NRXN1: variants seen among roughly 807,000 people sequenced by gnomAD.
NRXN1 encodes neurexin-1.
NRXN1 carries 39 observed loss-of-function variants against 150.9 expected under a neutral mutation model. The observed-to-expected ratio is 0.26, with a 90% confidence interval of 0.20 to 0.34. The LOEUF is 0.34. Ranked by LOEUF, NRXN1 falls within the 10% of genes least tolerant of loss-of-function variation. The pLI is 1.00. For missense variants in NRXN1, 1,815 were observed against 1,949.9 expected, an observed-to-expected ratio of 0.93 and a Z score of 1.30; for synonymous variants, 924 against 757.0, an observed-to-expected ratio of 1.22 and a Z score of -3.62.
intron 17 of NRXN1, among the ~76,000 whole-genome samples, chr2:50,259,213 T>C (rs2068010982): frequency 6.6e-6 from 1 of 151,936 alleles, no homozygotes; most frequent in African/African-American, 2.4e-5. Flanking sequence ...AAAAACTATA[T>C]AAAGCTGTTT....
At chr2:50,768,020 T>C (rs920375837) in intron 5 of NRXN1, among the ~76,000 whole-genome samples, 4 of 152,098 alleles carry the variant, frequency 2.6e-5, no homozygotes, top group African/African-American at 7.2e-5. Flanking sequence ...CATTTGTTGA[T>C]ATAAAGACAA....
intron 5 of NRXN1, among the ~76,000 whole-genome samples, chr2:50,862,988 T>C (rs78318297): frequency 7.2e-5 from 11 of 152,126 alleles, no homozygotes; most frequent in South Asian, 4.1e-4. Context: ...CAATGTGATA[T>C]AGTTGAGCAT....
chr2:50,712,432 G>A (rs1162480487), intron 5 of NRXN1, among the ~76,000 whole-genome samples: 8 of 152,110 alleles, frequency 5.3e-5, no homozygotes, highest in Non-Finnish European at 1.2e-4. Context: ...CTGTATCAGT[G>A]TAATAGCAGC....
intron 13 of NRXN1, among the ~76,000 whole-genome samples, chr2:50,504,301 T>G (rs1394540957): frequency 6.6e-6 from 1 of 152,134 alleles, no homozygotes; most frequent in Non-Finnish European, 1.5e-5. Flanking sequence ...TTTACTGAAG[T>G]CAGTGGCTTT....
intron 5 of NRXN1, among the ~76,000 whole-genome samples, chr2:50,813,727 G>A (rs1388884164): frequency 1.3e-5 from 2 of 152,054 alleles, no homozygotes; most frequent in Non-Finnish European, 2.9e-5. Context: ...CAAAGGCATT[G>A]TCCTGAAATT....
Position 50,053,328 on chromosome 2 carries a change from G to C in NRXN1, c.4071C>G (p.Thr1357=). 6.2e-7 allele frequency: 1 copy of C among 1,614,018 alleles called. No homozygotes were observed. Among genetic ancestry groups the C allele is most frequent in the African/African-American group, 1.3e-5 (1 of 75,030 alleles). ...MSTSIMETTT[T]LATSTARRGK... Reference sequence around the variant, plus strand: ...CTCTTCTGGCTGTGCTAGTAGCCAGGGTCGTGGTAGTCTCCATAATTGATG... The same window carrying C: ...CTCTTCTGGCTGTGCTAGTAGCCAGCGTCGTGGTAGTCTCCATAATTGATG... The change falls in exon 21 of 23, where the codon ACC becomes ACG. Residue 1357 remains threonine (T), a synonymous_variant. Coordinates refer to ENST00000401669, the MANE Select transcript of NRXN1 (RefSeq NM_001330078.2).
At chr2:50,630,437 T>C (rs1485264191) in intron 5 of NRXN1, among the ~76,000 whole-genome samples, 1 of 151,716 alleles carries the variant, frequency 6.6e-6, no homozygotes, top group East Asian at 1.9e-4. Flanking sequence ...TACCAGTGCA[T>C]AGAATATAAT....
At chr2:50,487,928 T>C (rs986199490) in intron 15 of NRXN1, among the ~76,000 whole-genome samples, 2 of 152,154 alleles carry the variant, frequency 1.3e-5, no homozygotes, top group Non-Finnish European at 2.9e-5. Flanking sequence ...CCTCTGACTA[T>C]TGCTTGGCTT....
chr2:50,757,116 T>C (rs1459295008), intron 5 of NRXN1, among the ~76,000 whole-genome samples: 1 of 151,908 alleles, frequency 6.6e-6, no homozygotes, highest in African/African-American at 2.4e-5. Context: ...TAAGAGAGTA[T>C]GTGGAGACAA....
At chr2:50,817,558 G>T (rs1221693992) in intron 5 of NRXN1, among the ~76,000 whole-genome samples, 1 of 151,994 alleles carries the variant, frequency 6.6e-6, no homozygotes, top group Non-Finnish European at 1.5e-5. Flanking sequence ...TACAAGAAAA[G>T]AAAACAACAG....
chr2:50,644,653 A>G (rs1425612193), intron 5 of NRXN1, among the ~76,000 whole-genome samples: 1 of 151,582 alleles, frequency 6.6e-6, no homozygotes, highest in Non-Finnish European at 1.5e-5. Flanking sequence ...CCTCCAGGTT[A>G]AAAGAAAATT....
intron 19 of NRXN1, among the ~76,000 whole-genome samples, chr2:50,066,552 T>C (rs1695392233): frequency 6.6e-6 from 1 of 152,124 alleles, no homozygotes; most frequent in African/African-American, 2.4e-5. Context: ...CCTCAAAAGG[T>C]TGACAATTGA....
chr2:50,528,617 G>T lies in NRXN1; in HGVS notation c.2374+8C>A. On this transcript the variant is annotated splice_region_variant and intron_variant, in intron 12 of 22. Coordinates refer to ENST00000401669, the MANE Select transcript of NRXN1 (RefSeq NM_001330078.2). ...ATAACATTTTAAAAATTTTGAATAGGCACTTACTGGAATTACAGTTAATCC... is the reference window on the plus strand; with the variant it reads ...ATAACATTTTAAAAATTTTGAATAGTCACTTACTGGAATTACAGTTAATCC... 1 of 1,491,790 alleles carries T rather than the reference G, an allele frequency of 6.7e-7. No individual in the cohort carries two copies. The highest frequency in any genetic ancestry group is 9.3e-7 in the Non-Finnish European group (1 of 1,080,502). The allele number at this position is 1,491,790 out of a possible 1,614,324, so 92.4% of individuals were successfully genotyped here.
At chr2:50,874,165 A>G (rs1187284884) in intron 5 of NRXN1, among the ~76,000 whole-genome samples, 2 of 151,872 alleles carry the variant, frequency 1.3e-5, no homozygotes, top group African/African-American at 2.4e-5. Context: ...TTTTGCAAAG[A>G]ATGACTCTCT....
intron 9 of NRXN1, among the ~76,000 whole-genome samples, chr2:50,550,138 GA>G (rs1158043753): frequency 1.3e-5 from 2 of 152,024 alleles, no homozygotes; most frequent in African/African-American, 2.4e-5. Flanking sequence ...ATTTCTAAGT[GA>G]ATGAAAAGCA....
chr2:50,723,043 AGT>A (rs1696881867), intron 5 of NRXN1, among the ~76,000 whole-genome samples: 1 of 152,118 alleles, frequency 6.6e-6, no homozygotes, highest in Non-Finnish European at 1.5e-5. Flanking sequence ...ATTGTCATTC[AGT>A]TAGTAGATGT....
chr2:50,847,880 GA>G (rs1462651358), intron 5 of NRXN1, among the ~76,000 whole-genome samples: 2 of 152,088 alleles, frequency 1.3e-5, no homozygotes, highest in East Asian at 3.9e-4. Flanking sequence ...GACTCCAGGG[GA>G]AAACCATCTC....
rs201152601 is a variant in NRXN1 at position 50,055,030 on chromosome 2, C to T, written c.3733G>A (p.Glu1245Lys). The T allele has an allele frequency of 3.8e-6, 6 of 1,597,594 alleles. No individual in the cohort carries two copies. Among genetic ancestry groups the T allele is most frequent in the Admixed American group, 1.7e-5 (1 of 57,638 alleles). The part of the protein sequence containing the change: ...ERYPAGNNDN[E>K]RLAIARQRIP... ...CGCTGTCTAGCAATCGCCAGGCGCTCGTTATCATTGTTTCCTTTAAAGTTT... is the reference window on the plus strand; with the variant it reads ...CGCTGTCTAGCAATCGCCAGGCGCTTGTTATCATTGTTTCCTTTAAAGTTT... Residue 1245 changes from glutamate to lysine, a missense_variant, in exon 20 of 23, where the codon GAG becomes AAG. Physicochemically the swap from Glu to Lys is moderately conservative, Grantham distance 56. Around this residue, in one of 6 missense-constraint regions of NRXN1, gnomAD observed 339 missense variants for 440.3 expected, o/e 0.77. Transcript: ENST00000401669.
At chr2:50,269,291 G>A (rs1220356108) in intron 17 of NRXN1, among the ~76,000 whole-genome samples, 4 of 152,080 alleles carry the variant, frequency 2.6e-5, no homozygotes, top group Admixed American at 2.6e-4. Flanking sequence ...TTGCAGGTGT[G>A]GAATACTGTA....
Sources: allele counts gnomAD v4.1 joint callset (sites outside exome capture counted in the v4.1 genomes callset), GRCh38; gene constraint gnomAD v4.1.1; regional missense constraint gnomAD v4.1.1; transcripts MANE v1.5; gene names NCBI Gene and HGNC (gene_info 2026-07-23, HGNC 2026-07-21).